The following RHOU variants were observed in gnomAD, a reference collection of about 807,000 sequenced individuals.
RHOU encodes rho-related GTP-binding protein RhoU.
Under a neutral mutation model 12.6 loss-of-function variants are expected in RHOU, and 8 were observed. The observed-to-expected ratio is 0.64, with a 90% CI of 0.37 to 1.15. The LOEUF is 1.15. Among genes scored for constraint, RHOU ranks in the 50% most tolerant of loss-of-function variants. RHOU has a pLI of 0.01. For synonymous variants in RHOU, 161 were observed against 147.4 expected (o/e 1.09, Z -0.67); for missense variants, 258 against 347.0 (o/e 0.74, Z 2.04).
the RHOU span, among the ~76,000 whole-genome samples, chr1:228,719,795 T>G: frequency 6.6e-6 from 1 of 152,024 alleles, no homozygotes; most frequent in Non-Finnish European, 1.5e-5. Flanking sequence ...TGCAACTGAA[T>G]TCAGGTTGGC....
the RHOU span, among the ~76,000 whole-genome samples, chr1:228,653,817 C>T: frequency 6.6e-6 from 1 of 152,162 alleles, no homozygotes; most frequent in Non-Finnish European, 1.5e-5. Context: ...TATGCTTATG[C>T]AAATGATTAG....
chr1:228,648,815 A>G, the RHOU span, among the ~76,000 whole-genome samples: 1 of 152,018 alleles, frequency 6.6e-6, no homozygotes, highest in Non-Finnish European at 1.5e-5. Flanking sequence ...CTTTTCATAT[A>G]GTCTGAAATT....
chr1:228,737,719 C>T lies in RHOU; in HGVS notation c.309C>T (p.Asp103=). The T allele has an allele frequency of 6.2e-7, 1 of 1,614,160 alleles. No individual in the cohort carries two copies. Among genetic ancestry groups the T allele is most frequent in the East Asian group, 2.2e-5 (1 of 44,884 alleles). Residue 103 remains aspartate, a synonymous_variant, in exon 2 of 3, where the codon GAC becomes GAT. Coordinates refer to ENST00000366691, the MANE Select transcript of RHOU (RefSeq NM_021205.6). This position sits in a 1 kb window ranked among gnomAD's most constrained non-coding sequence, Gnocchi z 4.1. ...DGRPVRLQLC[D]TAGQDEFDKL... Reference sequence around the variant, plus strand: ...GGCCCGTGAGACTCCAACTCTGTGACACTGCCGGACAGGTCAGTATCACGT... The same window carrying T: ...GGCCCGTGAGACTCCAACTCTGTGATACTGCCGGACAGGTCAGTATCACGT...
chr1:228,743,656 G>A lies in RHOU; in HGVS notation c.693G>A (p.Gln231=). The A allele has an allele frequency of 6.2e-7, 1 of 1,614,170 alleles. No individual in the cohort carries two copies. Among genetic ancestry groups the A allele is most frequent in the Non-Finnish European group, 8.5e-7 (1 of 1,180,036 alleles). ...AGIQYSDTQQ[Q]PKKSKSRTPD... ...TTCAATACTCGGACACTCAGCAACA[G>A]CCAAAGAAGTCTAAAAGCAGGACTC... is the stretch of plus-strand genomic sequence containing the variant. The change falls in exon 3 of 3, where the codon CAG becomes CAA. Residue 231 remains glutamine (Q), a synonymous_variant. Transcript: ENST00000366691. The surrounding 1 kb of genome is among the most constrained non-coding windows in gnomAD (Gnocchi z 5.1).
the RHOU span, chr1:228,687,497 G>A: frequency 5.7e-6 from 9 of 1,582,362 alleles, no homozygotes; most frequent in Non-Finnish European, 7.7e-6. Flanking sequence ...TGAAGCTGCA[G>A]AACCAACGAG....
At chr1:228,698,204 A>G in the RHOU span, among the ~76,000 whole-genome samples, 1 of 152,220 alleles carries the variant, frequency 6.6e-6, no homozygotes, top group Admixed American at 6.5e-5. Flanking sequence ...TTTTGAGAGA[A>G]TACAGTGTAC....
chr1:228,677,346 G>C, the RHOU span, among the ~76,000 whole-genome samples: 1 of 152,252 alleles, frequency 6.6e-6, no homozygotes, highest in African/African-American at 2.4e-5. Flanking sequence ...CACCCAGGAC[G>C]TCCAATTACA....
At chr1:228,656,792 T>TA in the RHOU span, among the ~76,000 whole-genome samples, 1 of 151,806 alleles carries the variant, frequency 6.6e-6, no homozygotes, top group Non-Finnish European at 1.5e-5. Context: ...ATAATGCATA[T>TA]AAAAAAAGGT....
At chr1:228,707,601 T>C in the RHOU span, among the ~76,000 whole-genome samples, 1 of 151,934 alleles carries the variant, frequency 6.6e-6, no homozygotes. Flanking sequence ...GAGGGTCTTG[T>C]CTGTTAGAAA....
At chr1:228,689,650 C>T in the RHOU span, among the ~76,000 whole-genome samples, 6 of 151,834 alleles carry the variant, frequency 4.0e-5, no homozygotes, top group Admixed American at 3.3e-4. Flanking sequence ...ACCTGAGCTC[C>T]GCCTCCTGTC....
chr1:228,646,761 C>G, the RHOU span, among the ~76,000 whole-genome samples: 260 of 152,188 alleles, frequency 1.7e-3, no homozygotes, highest in Non-Finnish European at 3.1e-3. Context: ...CCCGTTCGTT[C>G]TCGTTCCGGA....
chr1:228,647,208 T>G, the RHOU span, among the ~76,000 whole-genome samples: 7 of 152,060 alleles, frequency 4.6e-5, no homozygotes, highest in Admixed American at 6.5e-5. Context: ...TGAGACGGGT[T>G]TTTTCTTGGA....
upstream of RHOU, among the ~76,000 whole-genome samples, chr1:228,731,467 A>G (rs936597876): frequency 6.6e-6 from 1 of 152,232 alleles, no homozygotes; most frequent in African/African-American, 2.4e-5. Flanking sequence ...AAAGGGGTAA[A>G]GCAAGAGAGG....
the RHOU span, among the ~76,000 whole-genome samples, chr1:228,672,372 A>G: frequency 6.6e-6 from 1 of 152,160 alleles, no homozygotes; most frequent in African/African-American, 2.4e-5. Context: ...CATGTTTGCC[A>G]GGCTGGTCTC....
chr1:228,677,878 C>T, the RHOU span, among the ~76,000 whole-genome samples: 2 of 152,032 alleles, frequency 1.3e-5, no homozygotes, highest in Non-Finnish European at 2.9e-5. Context: ...CGTTATTGGA[C>T]TGTATATAGG....
chr1:228,709,165 C>A, the RHOU span, among the ~76,000 whole-genome samples: 1 of 152,068 alleles, frequency 6.6e-6, no homozygotes, highest in Admixed American at 6.6e-5. Context: ...AAAGCAAGTC[C>A]TGAGTGACCT....
the RHOU span, among the ~76,000 whole-genome samples, chr1:228,671,649 G>A: frequency 4.7e-5 from 7 of 148,392 alleles, no homozygotes; most frequent in South Asian, 2.2e-4. Flanking sequence ...CCTAGGAGGC[G>A]GAGGTTGCAG....
chr1:228,736,093 A>G (rs915774822), intron 1 of RHOU, 89 bp downstream of exon 1: 510 of 1,287,060 alleles, frequency 4.0e-4, no homozygotes, highest in Non-Finnish European at 5.1e-4. Context: ...GAGGTTCCCA[A>G]GGGGGCTGCA....
the RHOU span, chr1:228,687,929 A>C: frequency 7.0e-6 from 5 of 711,340 alleles, no homozygotes; most frequent in Admixed American, 6.0e-5. Flanking sequence ...CCTCTGCTCC[A>C]TCTCCCTCCC....
Sources: gnomAD v4.1 joint callset for allele counts (sites outside exome capture counted in the v4.1 genomes callset) on GRCh38, gnomAD v4.1.1 for gene constraint, Gnocchi (gnomAD v3.1) non-coding constraint, MANE v1.5 for transcripts, NCBI Gene and HGNC (gene_info 2026-07-23, HGNC 2026-07-21) for gene names.